FMN1: variants seen among roughly 807,000 people sequenced by gnomAD.
FMN1 encodes formin-1.
In FMN1, 110 loss-of-function variants were observed where a neutral mutation model predicts 132.4. The observed-to-expected ratio is 0.83, with a 90% CI of 0.71 to 0.97. The LOEUF is 0.97. FMN1 is among the 50% of genes least tolerant of loss of function. The pLI, the probability that FMN1 is intolerant of heterozygous loss-of-function variation, is 0.00. For synonymous variants in FMN1, 722 were observed against 651.7 expected, an observed-to-expected ratio of 1.11 and a Z score of -1.64; for missense variants, 1,792 against 1,705.3, an observed-to-expected ratio of 1.05 and a Z score of -0.90.
intron 9 of FMN1, among the ~76,000 whole-genome samples, chr15:32,958,134 C>G (rs766953638): frequency 6.6e-6 from 1 of 152,136 alleles, no homozygotes; most frequent in Non-Finnish European, 1.5e-5. Flanking sequence ...CATCTTTTTA[C>G]TCAAAGATTT....
chr15:33,151,290 C>T, intron 4 of FMN1: 2 of 1,536,278 alleles, frequency 1.3e-6, no homozygotes, highest in Non-Finnish European at 1.7e-6. Flanking sequence ...CCTTTTCCAG[C>T]TTCTTCTTTT....
chr15:32,772,977 TG>T lies in FMN1; in HGVS notation c.*1332del, dbSNP rs5811705. 20,335 of 152,144 alleles carry T rather than the reference TG, an allele frequency of 0.13. 1,421 individuals carry two copies. The highest frequency in any genetic ancestry group is 0.19 in the Middle Eastern group (57 of 294). The allele number at this position is 152,144 out of a possible 1,614,324, so 9.4% of individuals were successfully genotyped here. ...CATCTCTGGACTGTCCTCCACCAAT[TG>T]GGGGGAGAAAGCTCGGCCTCTTCAA... On this transcript the variant is annotated 3_prime_UTR_variant, in exon 21 of 21. Coordinates refer to ENST00000616417, the MANE Select transcript of FMN1 (RefSeq NM_001277313.2).
intron 7 of FMN1, among the ~76,000 whole-genome samples, chr15:32,996,203 T>A (rs1429032641): frequency 1.3e-5 from 2 of 152,188 alleles, no homozygotes; most frequent in East Asian, 3.8e-4. Flanking sequence ...ACACCCACTT[T>A]AAAGGTGAGA....
chr15:32,768,737 G>A lies in FMN1; in HGVS notation c.*5573C>T, dbSNP rs1008516950. 1 of 152,122 alleles carries A rather than the reference G, an allele frequency of 6.6e-6. No individual in the cohort carries two copies. Among genetic ancestry groups the A allele is most frequent in the Non-Finnish European group, 1.5e-5 (1 of 68,042 alleles). The allele number at this position is 152,122 out of a possible 1,614,324, so 9.4% of individuals were successfully genotyped here. ...ATAGCCCACAAGTGTAGTTGGATCA[G>A]CCTTTAGAAAAGGAGACTAGAGATT... On this transcript the variant is annotated 3_prime_UTR_variant, in exon 21 of 21. Transcript: ENST00000616417.
intron 5 of FMN1, among the ~76,000 whole-genome samples, chr15:33,088,581 AAC>A (rs1458021191): frequency 6.6e-6 from 1 of 152,202 alleles, no homozygotes. Context: ...TTAAATGACA[AAC>A]ACAGTCACTT....
chr15:33,110,143 A>G (rs1408248742), intron 4 of FMN1, among the ~76,000 whole-genome samples: 1 of 152,114 alleles, frequency 6.6e-6, no homozygotes, highest in African/African-American at 2.4e-5. Context: ...CTAGGAATCT[A>G]CCATAAACAA....
chr15:32,965,152 C>T (rs893352062), intron 8 of FMN1, among the ~76,000 whole-genome samples: 2 of 152,148 alleles, frequency 1.3e-5, no homozygotes, highest in Non-Finnish European at 2.9e-5. Flanking sequence ...AATCCAAGCA[C>T]TTTGGGAGGC....
rs576075024 is a variant in FMN1 at position 32,991,710 on chromosome 15, C to T, written c.2223+16304G>A. Among the ~76,000 whole-genome samples, 20 of 152,156 alleles carry T rather than the reference C, an allele frequency of 1.3e-4. 1 individual carries two copies. Among genetic ancestry groups the T allele is most frequent in the South Asian group, 1.0e-3 (5 of 4,812 alleles). ...TGGTGTGAAAATTTTATGGTCCTTC[C>T]GTCAGACACCGTAATTTATTATCAC... On this transcript the variant is annotated intron_variant, in intron 7 of 20. Coordinates refer to ENST00000616417, the MANE Select transcript of FMN1 (RefSeq NM_001277313.2).
intron 9 of FMN1, among the ~76,000 whole-genome samples, chr15:32,949,996 C>CGTAT (rs2061601803): frequency 3.4e-4 from 2 of 5,872 alleles, no homozygotes; most frequent in African/African-American, 1.0e-3. Context: ...CATATATATA[C>CGTAT]ACATACACAT....
chr15:33,103,819 T>TCA (rs1311416818), intron 4 of FMN1, among the ~76,000 whole-genome samples: 1 of 152,142 alleles, frequency 6.6e-6, no homozygotes, highest in East Asian at 1.9e-4. Context: ...TTAACCCAAA[T>TCA]CATCTTTAAT....
intron 7 of FMN1, among the ~76,000 whole-genome samples, chr15:32,979,470 A>G (rs1225747034): frequency 1.3e-5 from 2 of 150,366 alleles, no homozygotes; most frequent in Non-Finnish European, 1.5e-5. Flanking sequence ...GCAAGATAAC[A>G]GCGTGAACCC....
intron 19 of FMN1, among the ~76,000 whole-genome samples, chr15:32,786,671 T>C (rs1213625273): frequency 1.3e-5 from 2 of 152,216 alleles, no homozygotes; most frequent in African/African-American, 4.8e-5. Flanking sequence ...ACATGGTTTA[T>C]GGCATTTTGA....
chr15:33,092,939 A>G (rs1051789940), intron 4 of FMN1, among the ~76,000 whole-genome samples: 7 of 152,200 alleles, frequency 4.6e-5, no homozygotes, highest in Non-Finnish European at 7.3e-5. Context: ...CATTCATACC[A>G]AGATTCATGC....
intron 17 of FMN1, among the ~76,000 whole-genome samples, chr15:32,853,064 G>A (rs1288083065): frequency 6.6e-6 from 1 of 152,156 alleles, no homozygotes; most frequent in Non-Finnish European, 1.5e-5. Flanking sequence ...TTCCTCATCT[G>A]TATAGCAGGG....
In FMN1 at chr15:33,031,547, T is replaced by C. The variant is rs535057410; in HGVS notation, c.2162-23472A>G. Among the ~76,000 whole-genome samples, 3 of 152,328 alleles carry C rather than the reference T, an allele frequency of 2.0e-5. No homozygotes were observed. The South Asian group carries it at 6.2e-4, about 32-fold the overall frequency. ...TATCCCCATTAAACCTTTAGCAATATGTACTCGTCCTCTTCTTCCAGTTGT... is the reference window on the plus strand; with the variant it reads ...TATCCCCATTAAACCTTTAGCAATACGTACTCGTCCTCTTCTTCCAGTTGT... On this transcript the variant is annotated intron_variant, in intron 6 of 20. Coordinates refer to ENST00000616417, the MANE Select transcript of FMN1 (RefSeq NM_001277313.2).
chr15:32,902,097 A>C, intron 12 of FMN1, 57 bp from the exon 13 acceptor site: 1 of 1,518,852 alleles, frequency 6.6e-7, no homozygotes, highest in Non-Finnish European at 8.9e-7. Flanking sequence ...GAAAATAAAA[A>C]GACAGCTGAA....
chr15:32,803,726 A>G (rs768373795), intron 18 of FMN1, among the ~76,000 whole-genome samples: 27 of 152,168 alleles, frequency 1.8e-4, no homozygotes, highest in Non-Finnish European at 2.5e-4. Flanking sequence ...AGTTTGATCT[A>G]GTTGTAATGC....
chr15:33,096,051 C>T (rs1462433259), intron 4 of FMN1, among the ~76,000 whole-genome samples: 1 of 149,762 alleles, frequency 6.7e-6, no homozygotes, highest in Admixed American at 6.6e-5. Context: ...TGAGCATACA[C>T]AATACAATTA....
intron 7 of FMN1, among the ~76,000 whole-genome samples, chr15:32,986,399 C>T (rs1467703673): frequency 6.6e-6 from 1 of 152,030 alleles, no homozygotes; most frequent in Non-Finnish European, 1.5e-5. Flanking sequence ...GGCATCAATA[C>T]CCATCATTTT....
Sources: allele counts gnomAD v4.1 joint callset (sites outside exome capture counted in the v4.1 genomes callset), GRCh38; gene constraint gnomAD v4.1.1; transcripts MANE v1.5; gene names NCBI Gene and HGNC (gene_info 2026-07-23, HGNC 2026-07-21).